COL18A1: variants seen among roughly 807,000 people sequenced by gnomAD.
COL18A1 encodes collagen alpha-1(XVIII) chain.
In COL18A1, 133 loss-of-function variants were observed where a neutral mutation model predicts 168.0. The observed-to-expected ratio is 0.79, with a 90% CI of 0.69 to 0.91. COL18A1 has a LOEUF of 0.91. Among genes scored for constraint, COL18A1 ranks in the 40% least tolerant of loss-of-function variants. COL18A1 has a pLI of 0.00. For synonymous variants in COL18A1, 949 were observed against 809.0 expected, an observed-to-expected ratio of 1.17 and a Z score of -2.94; for missense variants, 2,126 against 1,925.4, an observed-to-expected ratio of 1.10 and a Z score of -1.95.
intron 32 of COL18A1, among the ~76,000 whole-genome samples, chr21:45,499,684 C>G (rs145891868): frequency 6.6e-6 from 1 of 152,268 alleles, no homozygotes; most frequent in East Asian, 1.9e-4. Context: ...TTCCCGTGGT[C>G]TCAGCGCCCT....
Position 45,467,389 on chromosome 21 carries a change from G to A in COL18A1, c.107-853G>A, listed in dbSNP as rs1005708554. 69 of 985,298 alleles carry A rather than the reference G, an allele frequency of 7.0e-5. No homozygotes were observed. In the African/African-American group the frequency reaches 9.6e-4, roughly 14 times the overall value. The allele number at this position is 985,298 out of a possible 1,614,324, so 61.0% of individuals were successfully genotyped here. On this transcript the variant is annotated intron_variant, in intron 2 of 41. Coordinates refer to ENST00000651438, the MANE Select transcript of COL18A1 (RefSeq NM_001379500.1). The stretch of plus-strand genomic sequence containing the variant: ...CTGTGGGGCATTTGCACGGAGCAGC[G>A]GGGCTGGTGGGGAGACTGTGGCACG...
intron 11 of COL18A1, 63 bp from the exon 12 acceptor site, chr21:45,480,404 C>T (rs1216826696): frequency 1.3e-5 from 21 of 1,613,422 alleles, no homozygotes; most frequent in Non-Finnish European, 1.8e-5. Context: ...GGGCAGGGGC[C>T]AGGAGTAGGC....
At chr21:45,451,078 G>A (rs1037605034) in intron 2 of COL18A1, among the ~76,000 whole-genome samples, 1 of 152,246 alleles carries the variant, frequency 6.6e-6, no homozygotes, top group Non-Finnish European at 1.5e-5. Flanking sequence ...CCTCTGGGGG[G>A]TGTGAGGTTC....
At chr21:45,493,396 C>A in intron 25 of COL18A1, 105 bp from the exon 26 acceptor site, 3 of 1,298,732 alleles carry the variant, frequency 2.3e-6, no homozygotes, top group Non-Finnish European at 3.3e-6. Flanking sequence ...GTGAAAGGAC[C>A]CAGCCTGCGA....
chr21:45,497,565 A>G, intron 31 of COL18A1, 34 bp from the exon 32 acceptor site: 1 of 1,552,128 alleles, frequency 6.4e-7, no homozygotes, highest in South Asian at 1.2e-5. Context: ...TCCCTGGCAC[A>G]TTCCTGATGG....
intron 19 of COL18A1, 140 bp from the exon 20 acceptor site, chr21:45,490,135 G>A: frequency 2.2e-6 from 1 of 463,950 alleles, no homozygotes; most frequent in Non-Finnish European, 4.0e-6. Flanking sequence ...TCCCTCCACA[G>A]CCCCTGCTCA....
At chr21:45,482,945 C>T (rs1477957279) in intron 15 of COL18A1, 124 bp downstream of exon 15, 2 of 1,367,002 alleles carry the variant, frequency 1.5e-6, no homozygotes, top group East Asian at 2.4e-5. Flanking sequence ...GGCCTTGACC[C>T]CCACTCCTGC....
rs186999954 is a variant in COL18A1 at position 45,471,607 on chromosome 21, G to A, written c.652-2288G>A. Among the ~76,000 whole-genome samples, 36 of 152,254 alleles carry A rather than the reference G, an allele frequency of 2.4e-4. No individual in the cohort carries two copies. The highest frequency in any genetic ancestry group is 7.9e-4 in the African/African-American group (33 of 41,524). ...GTGTTCCTCGTCCTAAGAGTCCTTG[G>A]GCGTTGTTGGTCTTTTCAGGTTCAC... On this transcript the variant is annotated intron_variant, in intron 3 of 41. Coordinates refer to ENST00000651438, the MANE Select transcript of COL18A1 (RefSeq NM_001379500.1). This position sits in a 1 kb window ranked among gnomAD's most constrained non-coding sequence, Gnocchi z 4.4.
intron 2 of COL18A1, among the ~76,000 whole-genome samples, chr21:45,453,015 GTGAT>G (rs1249219716): frequency 1.3e-5 from 2 of 151,666 alleles, no homozygotes; most frequent in Non-Finnish European, 2.9e-5. Context: ...ATGTATGTGT[GTGAT>G]TGCGAGTATT....
rs367551698 is a variant in COL18A1, at chr21:45,494,570, C to T, written c.2378C>T (p.Pro793Leu). The T allele has an allele frequency of 4.8e-5, 78 of 1,613,062 alleles. No homozygotes were observed. The highest frequency in any genetic ancestry group is 1.7e-4 in the Middle Eastern group (1 of 6,012). Reference protein sequence around the residue: ...AKGEPGFRGPPGPYGRPGYKG... With the variant: ...AKGEPGFRGPLGPYGRPGYKG... ...GGAGAGCCGGGCTTCCGAGGACCCC[C>T]GGTAAGTCGGTCCCTGGCTTTCTCT... The change falls in exon 27 of 42, where the codon CCG (proline) becomes CTG (leucine). Residue 793 changes from proline (P) to leucine (L), a missense_variant and splice_region_variant. Coordinates refer to ENST00000651438, the MANE Select transcript of COL18A1 (RefSeq NM_001379500.1).
chr21:45,498,970 A>G lies in COL18A1; in HGVS notation c.2683+1309A>G, dbSNP rs904854679. On this transcript the variant is annotated intron_variant, in intron 32 of 41. Coordinates refer to ENST00000651438, the MANE Select transcript of COL18A1 (RefSeq NM_001379500.1). This position sits in a 1 kb window ranked among gnomAD's most constrained non-coding sequence, Gnocchi z 4.5. ...CGACGTGGGATTGCTTGTCCCTGGG[A>G]GCCAGAACGAGGGCTCCGAGGGCTC... Among the ~76,000 whole-genome samples, 1 of 152,110 alleles carries G rather than the reference A, an allele frequency of 6.6e-6. No individual in the cohort carries two copies. Among genetic ancestry groups the G allele is most frequent in the Non-Finnish European group, 1.5e-5 (1 of 68,034 alleles).
intron 15 of COL18A1, among the ~76,000 whole-genome samples, chr21:45,484,068 T>TCTCCAGCATATGTACACACACACC (rs1166192761): frequency 2.6e-5 from 1 of 37,992 alleles, no homozygotes; most frequent in Admixed American, 2.5e-4. Flanking sequence ...ACACACACAC[T>TCTCCAGCATATGTACACACACACC]TCTCCAGCAT....
Position 45,455,710 on chromosome 21 carries a change from C to T in COL18A1, c.107-12532C>T, listed in dbSNP as rs754968843. 14 of 1,613,866 alleles carry T rather than the reference C, an allele frequency of 8.7e-6. No homozygotes were observed. In the African/African-American group the frequency reaches 1.1e-4, roughly 12 times the overall value. ...TGCCTGTGCAGCCCACAGCAGATACCACCACACACGTGACCCCCCGGAATG... is the reference window on the plus strand; with the variant it reads ...TGCCTGTGCAGCCCACAGCAGATACTACCACACACGTGACCCCCCGGAATG... On this transcript the variant is annotated intron_variant, in intron 2 of 41. Coordinates refer to ENST00000651438, the MANE Select transcript of COL18A1 (RefSeq NM_001379500.1).
At chr21:45,502,957 C>A (rs1372487822) in intron 32 of COL18A1, 1 of 152,238 alleles carries the variant, frequency 6.6e-6, no homozygotes, top group African/African-American at 2.4e-5. Flanking sequence ...TCTAGAAAAA[C>A]CACCACCGAG....
chr21:45,467,837 C>T (rs1003824734), intron 2 of COL18A1, among the ~76,000 whole-genome samples: 2 of 152,168 alleles, frequency 1.3e-5, no homozygotes, highest in African/African-American at 2.4e-5. Flanking sequence ...GCGGGGGTGC[C>T]GGCCAGTCCC....
chr21:45,408,628 G>C (rs539508034), intron 2 of COL18A1: 90 of 152,414 alleles, frequency 5.9e-4, no homozygotes, highest in African/African-American at 2.1e-3. Flanking sequence ...CCCAGAGAGA[G>C]GGGCCCCCAC....
chr21:45,492,862 G>C (rs2036401826), intron 24 of COL18A1, 149 bp downstream of exon 24: 2 of 764,578 alleles, frequency 2.6e-6, no homozygotes, highest in Admixed American at 4.0e-5. Context: ...GATGGGAGTG[G>C]GATGTGGGCG....
At position 45,496,526 on chromosome 21, in the gene COL18A1, A is replaced by G. The variant is rs2036549324; in HGVS notation, c.2535A>G (p.Pro845=). ...GAATGCCCGGCCCCCCAGGACCTCC[A>G]GGGCCCCCAGGCCCTCCAGGGACTC... ...MRGMPGPPGP[P]GPPGPPGTPV... The change falls in exon 30 of 42, where the codon CCA becomes CCG. Residue 845 remains proline, a synonymous_variant. Coordinates refer to ENST00000651438, the MANE Select transcript of COL18A1 (RefSeq NM_001379500.1). 5.9e-6 allele frequency: 9 copies of G among 1,527,666 alleles called. No homozygotes were observed. The highest frequency in any genetic ancestry group is 8.2e-6 in the Non-Finnish European group (9 of 1,102,186). The allele number at this position is 1,527,666 out of a possible 1,614,324, so 94.6% of individuals were successfully genotyped here. A position where few individuals can be genotyped will look rare whatever the true frequency, so the allele number is the denominator to read the frequency against.
chr21:45,441,975 C>G (rs1409835170), intron 2 of COL18A1, among the ~76,000 whole-genome samples: 1 of 152,250 alleles, frequency 6.6e-6, no homozygotes, highest in Non-Finnish European at 1.5e-5. Context: ...GGGACCCTCA[C>G]TCCAGGGAGA....
Sources: allele counts gnomAD v4.1 joint callset (sites outside exome capture counted in the v4.1 genomes callset), GRCh38; gene constraint gnomAD v4.1.1; non-coding constraint Gnocchi (gnomAD v3.1); transcripts MANE v1.5; gene names NCBI Gene and HGNC (gene_info 2026-07-23, HGNC 2026-07-21).